Variants in PIEZO2 observed in about 807,000 individuals in gnomAD.
PIEZO2 encodes the protein piezo type mechanosensitive ion channel component 2, also known as piezo-type mechanosensitive ion channel component 2.
In PIEZO2, 172 loss-of-function variants were observed where a neutral mutation model predicts 337.3. The ratio of observed to expected loss-of-function variants is 0.51; its 90% CI spans 0.45 to 0.58. The LOEUF (loss-of-function observed/expected upper bound fraction) is 0.58, where lower values mean the gene tolerates loss of function less well. Ranked by LOEUF, PIEZO2 falls within the 20% of genes least tolerant of loss-of-function variation. PIEZO2 has a pLI of 0.00. For synonymous variants in PIEZO2, 1,251 were observed against 1,228.5 expected (o/e 1.02, Z -0.38); for missense variants, 3,028 against 3,391.3 (o/e 0.89, Z 2.66).
At chr18:10,723,449 G>A (rs904098087) in intron 36 of PIEZO2, among the ~76,000 whole-genome samples, 11 of 152,194 alleles carry the variant, frequency 7.2e-5, no homozygotes, top group African/African-American at 2.7e-4. Context: ...CGAGGTATGT[G>A]CTGCAATAGG....
intron 2 of PIEZO2, among the ~76,000 whole-genome samples, chr18:11,014,405 C>T (rs764215727): frequency 1.7e-4 from 25 of 143,752 alleles, no homozygotes; most frequent in Middle Eastern, 4.6e-3. Context: ...GTGTGGAGCA[C>T]GTCACTCTGC....
chr18:10,971,667 T>G (rs539509617), intron 3 of PIEZO2, among the ~76,000 whole-genome samples: 1 of 152,220 alleles, frequency 6.6e-6, no homozygotes, highest in African/African-American at 2.4e-5. Context: ...TTCCGGCCAT[T>G]CATACTTTAA....
Position 10,707,102 on chromosome 18 carries a change from G to C in PIEZO2, c.5588+1173C>G, listed in dbSNP as rs555057758. Among the ~76,000 whole-genome samples the C allele has an allele frequency of 6.6e-6, 1 of 152,076 alleles. No individual in the cohort carries two copies. Among genetic ancestry groups the C allele is most frequent in the Admixed American group, 6.5e-5 (1 of 15,274 alleles). ...GTCCTTGAGTGCGCACATCATGTAC[G>C]GGCTGGTGAAATGCCAGCCCAAAAC... On this transcript the variant is annotated intron_variant, in intron 40 of 55. Transcript: ENST00000674853. This position sits in a 1 kb window ranked among gnomAD's most constrained non-coding sequence, Gnocchi z 4.2.
chr18:11,093,928 G>A (rs946523938), intron 1 of PIEZO2, among the ~76,000 whole-genome samples: 2 of 151,904 alleles, frequency 1.3e-5, no homozygotes, highest in Non-Finnish European at 2.9e-5. Context: ...CATAAGTCTC[G>A]GATAGCTAAA....
chr18:11,025,766 A>G (rs2036518999), intron 2 of PIEZO2, among the ~76,000 whole-genome samples: 1 of 152,242 alleles, frequency 6.6e-6, no homozygotes, highest in Admixed American at 6.5e-5. Flanking sequence ...AATTGTTCAG[A>G]AAATGAGAGC....
At chr18:10,974,462 TA>T (rs894884609) in intron 3 of PIEZO2, among the ~76,000 whole-genome samples, 3 of 152,206 alleles carry the variant, frequency 2.0e-5, no homozygotes, top group Admixed American at 2.0e-4. Context: ...CAGTTAATTA[TA>T]AGGACAAATA....
rs1440112249 is a variant in PIEZO2, at chr18:10,945,495, G to T, written c.286+34040C>A. On this transcript the variant is annotated intron_variant, in intron 3 of 55. Coordinates refer to ENST00000674853, the MANE Select transcript of PIEZO2 (RefSeq NM_001378183.1). The surrounding 1 kb of genome is among the most constrained non-coding windows in gnomAD (Gnocchi z 4.0). ...CATGGATTGAAATTGGTCTGGTCTT[G>T]CCTCACAAATGTTTAAACAAAACAC... Among the ~76,000 whole-genome samples, 1 of 152,148 alleles carries T rather than the reference G, an allele frequency of 6.6e-6. No individual in the cohort carries two copies. The highest frequency in any genetic ancestry group is 1.5e-5 in the Non-Finnish European group (1 of 68,032).
chr18:10,966,802 C>T (rs1038043918), intron 3 of PIEZO2, among the ~76,000 whole-genome samples: 2 of 151,992 alleles, frequency 1.3e-5, no homozygotes, highest in African/African-American at 2.4e-5. Flanking sequence ...CCCCAAAGTC[C>T]ATTGTATCAT....
Position 10,794,982 on chromosome 18 carries a change from G to A in PIEZO2, c.1548C>T (p.His516=). 2 of 1,548,152 alleles carry A rather than the reference G, an allele frequency of 1.3e-6. No individual in the cohort carries two copies. Among genetic ancestry groups the A allele is most frequent in the Non-Finnish European group, 1.7e-6 (2 of 1,147,012 alleles). Residue 516 remains histidine, a synonymous_variant, in exon 13 of 56, where the codon CAC becomes CAT. Transcript: ENST00000674853. This position sits in a 1 kb window ranked among gnomAD's most constrained non-coding sequence, Gnocchi z 6.6. ...IAMMAWSITY[H]SWLTFVLLIW... ...TCAGCAGCACGAAGGTCAGCCAGCTGTGATAGGTGATGCTCCAGGCCTCCG... is the reference window on the plus strand; with the variant it reads ...TCAGCAGCACGAAGGTCAGCCAGCTATGATAGGTGATGCTCCAGGCCTCCG...
At position 11,127,908 on chromosome 18, in the gene PIEZO2, G is replaced by A. The variant is rs969285844; in HGVS notation, c.64+20617C>T. 6.0e-5 allele frequency among the ~76,000 whole-genome samples: 9 copies of A among 151,240 alleles called. No individual in the cohort carries two copies. The highest frequency in any genetic ancestry group is 3.9e-4 in the East Asian group (2 of 5,128). On this transcript the variant is annotated intron_variant, in intron 1 of 55. Coordinates refer to ENST00000674853, the MANE Select transcript of PIEZO2 (RefSeq NM_001378183.1). This position sits in a 1 kb window ranked among gnomAD's most constrained non-coding sequence, Gnocchi z 4.5. Reference sequence around the variant, plus strand: ...TGGTTCTAGAGGAACAGAATATTAAGGATGGAGTTCTTTCGTTGGTTTTGG... The same window carrying A: ...TGGTTCTAGAGGAACAGAATATTAAAGATGGAGTTCTTTCGTTGGTTTTGG...
intron 2 of PIEZO2, among the ~76,000 whole-genome samples, chr18:10,984,001 T>C (rs1254385815): frequency 6.6e-6 from 1 of 152,020 alleles, no homozygotes; most frequent in Non-Finnish European, 1.5e-5. Context: ...AGCAGGTGCA[T>C]CCATAGAAAA....
intron 28 of PIEZO2, among the ~76,000 whole-genome samples, chr18:10,751,058 C>T (rs1214332845): frequency 6.6e-6 from 1 of 152,144 alleles, no homozygotes; most frequent in East Asian, 1.9e-4. Context: ...AGCCTGTTCC[C>T]AGCTTATCTA....
intron 1 of PIEZO2, among the ~76,000 whole-genome samples, chr18:11,073,538 C>T (rs1207637658): frequency 2.0e-5 from 3 of 152,186 alleles, no homozygotes; most frequent in East Asian, 3.9e-4. Flanking sequence ...CATGCTCACT[C>T]GAGTGTCCCT....
chr18:10,760,510 G>A (rs1408805055), intron 24 of PIEZO2, among the ~76,000 whole-genome samples: 1 of 152,172 alleles, frequency 6.6e-6, no homozygotes, highest in South Asian at 2.1e-4. Flanking sequence ...CCACCATGTT[G>A]CCCAGGCTGG....
At chr18:10,977,232 C>T (rs2034480077) in intron 3 of PIEZO2, among the ~76,000 whole-genome samples, 1 of 151,916 alleles carries the variant, frequency 6.6e-6, no homozygotes, top group Non-Finnish European at 1.5e-5. Flanking sequence ...ATAAATTTCA[C>T]TTCCACCCTC....
Position 11,148,743 on chromosome 18 carries a change from CGA to C in PIEZO2, c.-157_-156del, listed in dbSNP as rs2146315673. ...GCGCGGGCCGCGACGCTCTCCGCCC[CGA>C]GGGCACGCTCCCGGGGCTCTTGGCC... On this transcript the variant is annotated 5_prime_UTR_variant, in exon 1 of 56. Transcript: ENST00000674853. The surrounding 1 kb of genome is among the most constrained non-coding windows in gnomAD (Gnocchi z 5.2). 2 of 720,102 alleles carry C rather than the reference CGA, an allele frequency of 2.8e-6. No homozygotes were observed. The highest frequency in any genetic ancestry group is 5.9e-5 in the East Asian group (2 of 34,068). The allele number at this position is 720,102 out of a possible 1,614,324, so 44.6% of individuals were successfully genotyped here.
intron 21 of PIEZO2, chr18:10,763,312 C>CATATCATCAGGTGACATCA: frequency 1.7e-6 from 1 of 571,868 alleles, no homozygotes; most frequent in Non-Finnish European, 3.1e-6. Context: ...GGCAGACAGA[C>CATATCATCAGGTGACATCA]ATATCATCAG....
intron 49 of PIEZO2, among the ~76,000 whole-genome samples, chr18:10,689,052 T>C (rs775825855): frequency 6.6e-6 from 1 of 152,180 alleles, no homozygotes; most frequent in Non-Finnish European, 1.5e-5. Context: ...AAGGAGGGTA[T>C]TTTGAGACGA....
chr18:10,722,793 T>C (rs1019893731), intron 36 of PIEZO2, among the ~76,000 whole-genome samples: 3 of 152,052 alleles, frequency 2.0e-5, no homozygotes, highest in Non-Finnish European at 4.4e-5. Flanking sequence ...TGAGAACACC[T>C]AGCGGGTGAA....
Sources: gnomAD v4.1 joint callset for allele counts (sites outside exome capture counted in the v4.1 genomes callset) on GRCh38, gnomAD v4.1.1 for gene constraint, Gnocchi (gnomAD v3.1) non-coding constraint, MANE v1.5 for transcripts, NCBI Gene and HGNC (gene_info 2026-07-23, HGNC 2026-07-21) for gene names.